NAV3: variants seen among roughly 807,000 people sequenced by gnomAD.
NAV3 encodes the protein neuron navigator 3, also known as pore membrane and/or filament interacting like protein 1.
Under a neutral mutation model 244.7 loss-of-function variants are expected in NAV3, and 87 were observed. The ratio of observed to expected loss-of-function variants is 0.36; its 90% CI spans 0.30 to 0.42. The LOEUF is 0.42. Ranked by LOEUF, NAV3 falls within the 20% of genes least tolerant of loss-of-function variation. The pLI, the probability that NAV3 is intolerant of heterozygous loss-of-function variation, is 1.00. For synonymous variants in NAV3, 1,126 were observed against 1,042.2 expected (o/e 1.08, Z -1.55); for missense variants, 2,663 against 2,893.3 (o/e 0.92, Z 1.83).
intron 39 of NAV3, among the ~76,000 whole-genome samples, chr12:78,208,219 CTCTT>C (rs1202899026): frequency 3.9e-5 from 6 of 152,036 alleles, no homozygotes; most frequent in Non-Finnish European, 7.4e-5. Flanking sequence ...AGAAGCAAGA[CTCTT>C]TAATAACCTG....
At chr12:78,156,610 T>A (rs2139359177) in intron 22 of NAV3, among the ~76,000 whole-genome samples, 1 of 152,254 alleles carries the variant, frequency 6.6e-6, no homozygotes, top group Non-Finnish European at 1.5e-5. Flanking sequence ...GTAGAATGAT[T>A]AAACCTTACA....
chr12:77,727,688 C>T (rs1592624299), intron 2 of NAV3, among the ~76,000 whole-genome samples: 1 of 151,894 alleles, frequency 6.6e-6, no homozygotes, highest in Non-Finnish European at 1.5e-5. Flanking sequence ...AAAAATTTTA[C>T]ACTTATTAAA....
intron 7 of NAV3, among the ~76,000 whole-genome samples, chr12:78,006,020 A>G (rs1205716052): frequency 6.6e-6 from 1 of 152,170 alleles, no homozygotes; most frequent in Non-Finnish European, 1.5e-5. Context: ...GCATTATACA[A>G]CATATTTTTA....
At chr12:78,045,048 A>G (rs1274610064) in intron 9 of NAV3, among the ~76,000 whole-genome samples, 1 of 152,134 alleles carries the variant, frequency 6.6e-6, no homozygotes, top group Non-Finnish European at 1.5e-5. Context: ...CCCATTCAGT[A>G]TGATATTGGC....
At chr12:77,959,743 A>C (rs1434144299) in intron 3 of NAV3, among the ~76,000 whole-genome samples, 4 of 151,742 alleles carry the variant, frequency 2.6e-5, no homozygotes, top group Admixed American at 1.3e-4. Flanking sequence ...ACATCATTTC[A>C]ATTTTTATGG....
chr12:77,974,991 C>G (rs1868280682), intron 5 of NAV3, among the ~76,000 whole-genome samples: 1 of 144,404 alleles, frequency 6.9e-6, no homozygotes, highest in African/African-American at 2.6e-5. Context: ...TCCCTTTTCT[C>G]TCTTTCTCTA....
intron 3 of NAV3, among the ~76,000 whole-genome samples, chr12:77,941,446 G>T (rs571929486): frequency 6.6e-6 from 1 of 152,068 alleles, no homozygotes; most frequent in Admixed American, 6.5e-5. Flanking sequence ...GATTATTTTT[G>T]TCTGAACAAC....
rs1007048087 is a variant in NAV3, at chr12:78,156,278, G to C, written c.4786-2925G>C. Among the ~76,000 whole-genome samples, 15 of 152,018 alleles carry C rather than the reference G, an allele frequency of 9.9e-5. No individual in the cohort carries two copies. The South Asian group carries it at 2.1e-3, about 21-fold the overall frequency. On this transcript the variant is annotated intron_variant, in intron 22 of 39. Coordinates refer to ENST00000397909, the MANE Select transcript of NAV3 (RefSeq NM_001024383.2). ...TTCAGTTTCCCCATTGCTTGTTTTTGTCAGGTTTGTCGAAGATCAGATGGT... is the reference window on the plus strand; with the variant it reads ...TTCAGTTTCCCCATTGCTTGTTTTTCTCAGGTTTGTCGAAGATCAGATGGT...
At chr12:77,763,110 G>A (rs1869569784) in intron 2 of NAV3, among the ~76,000 whole-genome samples, 1 of 152,146 alleles carries the variant, frequency 6.6e-6, no homozygotes. Flanking sequence ...TGGGATGTCT[G>A]TAAATATAGA....
At chr12:77,767,001 G>T (rs576234860) in intron 2 of NAV3, among the ~76,000 whole-genome samples, 3 of 151,896 alleles carry the variant, frequency 2.0e-5, no homozygotes, top group African/African-American at 4.8e-5. Flanking sequence ...TGATCAGCCC[G>T]CCTTGGCCTC....
In NAV3 at chr12:77,982,180, T is replaced by G. The variant is rs986010813; in HGVS notation, c.672-12623T>G. On this transcript the variant is annotated intron_variant, in intron 5 of 39. Coordinates refer to ENST00000397909, the MANE Select transcript of NAV3 (RefSeq NM_001024383.2). ...TTTTATGTTTTGATGAACCAGCCAC[T>G]GTCTACTTGGGCAGAGTCAATGCAT... Among the ~76,000 whole-genome samples, 17 of 152,214 alleles carry G rather than the reference T, an allele frequency of 1.1e-4. 1 individual carries two copies. Among genetic ancestry groups the G allele is most frequent in the African/African-American group, 3.9e-4 (16 of 41,464 alleles).
chr12:78,189,847 G>C (rs980867780), intron 33 of NAV3, 137 bp from the exon 34 acceptor site: 3 of 641,144 alleles, frequency 4.7e-6, no homozygotes, highest in Non-Finnish European at 5.3e-6. Context: ...ATATTTGTGG[G>C]ATAGAAATAT....
At chr12:77,846,959 T>A (rs180926674) in intron 1 of NAV3, among the ~76,000 whole-genome samples, 21 of 152,336 alleles carry the variant, frequency 1.4e-4, no homozygotes, top group African/African-American at 4.3e-4. Context: ...CTTAGTTCCA[T>A]GAGTTCATCA....
At chr12:78,103,921 G>C (rs973158335) in intron 12 of NAV3, among the ~76,000 whole-genome samples, 2 of 152,124 alleles carry the variant, frequency 1.3e-5, no homozygotes, top group African/African-American at 4.8e-5. Context: ...ATATCACATG[G>C]ATTTCTTATA....
chr12:78,034,110 G>A (rs1879450501), intron 9 of NAV3, among the ~76,000 whole-genome samples: 1 of 152,146 alleles, frequency 6.6e-6, no homozygotes, highest in Admixed American at 6.6e-5. Flanking sequence ...TCTAATTCAG[G>A]ATTTCCCAAC....
At position 78,084,257 on chromosome 12, in the gene NAV3, A is replaced by G. The variant is rs578076266; in HGVS notation, c.2636+25142A>G. Among the ~76,000 whole-genome samples, 8 of 152,278 alleles carry G rather than the reference A, an allele frequency of 5.3e-5. No individual in the cohort carries two copies. In the East Asian group the frequency reaches 1.2e-3, roughly 22 times the overall value. The stretch of plus-strand genomic sequence containing the variant: ...TTCCCTGAGAAAATGGAAGAAATCC[A>G]AATATCAGTCTCATCATCCCAGCTA... On this transcript the variant is annotated intron_variant, in intron 12 of 39. Coordinates refer to ENST00000397909, the MANE Select transcript of NAV3 (RefSeq NM_001024383.2).
intron 1 of NAV3, among the ~76,000 whole-genome samples, chr12:77,886,623 C>T (rs760827718): frequency 3.3e-5 from 5 of 151,990 alleles, no homozygotes; most frequent in Non-Finnish European, 5.9e-5. Context: ...CATTTTTTTC[C>T]TGATATTCTT....
At chr12:77,614,734 A>G (rs1364870037) in intron 2 of NAV3, among the ~76,000 whole-genome samples, 2 of 152,182 alleles carry the variant, frequency 1.3e-5, no homozygotes, top group African/African-American at 2.4e-5. Context: ...GGTAGTAGTA[A>G]AACTATGTGC....
intron 2 of NAV3, among the ~76,000 whole-genome samples, chr12:77,581,826 T>C (rs1217240154): frequency 1.3e-5 from 2 of 152,228 alleles, no homozygotes; most frequent in Middle Eastern, 3.2e-3. Context: ...TTTCTGCATT[T>C]ATGGGGTACC....
Sources: allele counts gnomAD v4.1 joint callset (sites outside exome capture counted in the v4.1 genomes callset), GRCh38; gene constraint gnomAD v4.1.1; transcripts MANE v1.5; gene names NCBI Gene and HGNC (gene_info 2026-07-23, HGNC 2026-07-21).